Variants in MAML2 observed in about 807,000 individuals in gnomAD.
The protein encoded by MAML2 is mastermind-like protein 2.
Under a neutral mutation model 96.1 loss-of-function variants are expected in MAML2, and 22 were observed. The observed-to-expected ratio is 0.23, with a 90% CI of 0.16 to 0.33. MAML2 has a LOEUF of 0.33. Ranked by LOEUF, MAML2 falls within the 10% of genes least tolerant of loss-of-function variation. The pLI, the probability that MAML2 is intolerant of heterozygous loss-of-function variation, is 1.00. For missense variants in MAML2, 1,367 were observed against 1,392.4 expected, an observed-to-expected ratio of 0.98 and a Z score of 0.29; for synonymous variants, 561 against 521.3, an observed-to-expected ratio of 1.08 and a Z score of -1.04.
intron 1 of MAML2, 145 bp downstream of exon 1, chr11:96,341,238 G>C (rs767296037): frequency 1.1e-5 from 10 of 918,110 alleles, no homozygotes; most frequent in African/African-American, 5.0e-5. Context: ...GAAACCACCC[G>C]AACACACCCA....
intron 1 of MAML2, among the ~76,000 whole-genome samples, chr11:96,247,260 A>G (rs1000413569): frequency 6.6e-5 from 10 of 152,156 alleles, no homozygotes; most frequent in African/African-American, 2.4e-4. Context: ...ACCTCTAAGG[A>G]AAGAGGGCAC....
intron 2 of MAML2, among the ~76,000 whole-genome samples, chr11:96,066,699 G>T (rs952650410): frequency 6.6e-6 from 1 of 152,184 alleles, no homozygotes; most frequent in Non-Finnish European, 1.5e-5. Context: ...CCTTTGAGGT[G>T]CTAGGAATAT....
intron 1 of MAML2, among the ~76,000 whole-genome samples, chr11:96,162,914 T>G (rs929862099): frequency 1.3e-5 from 2 of 152,120 alleles, no homozygotes; most frequent in African/African-American, 2.4e-5. Context: ...ACACTGCTTG[T>G]GTAGCTATGT....
chr11:96,284,320 A>G (rs554281227), intron 1 of MAML2, among the ~76,000 whole-genome samples: 11 of 152,308 alleles, frequency 7.2e-5, no homozygotes, highest in Admixed American at 3.3e-4. Context: ...CAACCACCCA[A>G]TAAACACTTC....
chr11:96,177,027 T>A (rs1290961887), intron 1 of MAML2, among the ~76,000 whole-genome samples: 3 of 152,232 alleles, frequency 2.0e-5, no homozygotes, highest in African/African-American at 4.8e-5. Flanking sequence ...ATACCATTCA[T>A]GGTCCTTTTT....
At chr11:96,027,020 A>C (rs57225082) in intron 2 of MAML2, among the ~76,000 whole-genome samples, 8,582 of 152,220 alleles carry the variant, frequency 0.056, 802 homozygotes, top group African/African-American at 0.19. Flanking sequence ...AATGGACAAC[A>C]TTGTAGGAAG....
chr11:96,186,312 G>A (rs1370161917), intron 1 of MAML2, among the ~76,000 whole-genome samples: 1 of 152,166 alleles, frequency 6.6e-6, no homozygotes, highest in Admixed American at 6.5e-5. Flanking sequence ...GATGAAGGCC[G>A]GGTGCAGTGG....
At chr11:96,115,784 G>T (rs537906041) in intron 1 of MAML2, among the ~76,000 whole-genome samples, 192 of 152,242 alleles carry the variant, frequency 1.3e-3, no homozygotes, top group African/African-American at 4.1e-3. Context: ...GGTGATAGTG[G>T]AGTAGATACC....
intron 2 of MAML2, among the ~76,000 whole-genome samples, chr11:96,046,122 T>A (rs1052157743): frequency 6.6e-6 from 1 of 151,530 alleles, no homozygotes; most frequent in African/African-American, 2.4e-5. Context: ...TGCGTCTGAG[T>A]TGGGGGAGGA....
intron 1 of MAML2, among the ~76,000 whole-genome samples, chr11:96,181,361 A>G (rs1193557725): frequency 6.6e-6 from 1 of 152,180 alleles, no homozygotes; most frequent in East Asian, 1.9e-4. Flanking sequence ...GCAATGCTTC[A>G]TGAGAGGATA....
rs1478789061 is a variant in MAML2, at chr11:95,991,695, G to A, written c.2168C>T (p.Thr723Ile). 1 of 1,613,564 alleles carries A rather than the reference G, an allele frequency of 6.2e-7. No homozygotes were observed. The highest frequency in any genetic ancestry group is 1.3e-5 in the African/African-American group (1 of 74,872). Residue 723 changes from threonine to isoleucine, a missense_variant, in exon 3 of 5, where the codon ACA (threonine) becomes ATA (isoleucine). Thr to Ile is a moderately conservative substitution (Grantham distance 89). Transcript: ENST00000524717. Reference sequence around the variant, plus strand: ...GGGGTTAGGACTTGGACTGGGGCCTGTGTTCTGGCCTACCACAGAGTGTTG... The same window carrying A: ...GGGGTTAGGACTTGGACTGGGGCCTATGTTCTGGCCTACCACAGAGTGTTG... ...QDQHSVVGQN[T>I]GPSPSPNPCS...
chr11:96,339,383 C>T (rs1863960288), intron 1 of MAML2, among the ~76,000 whole-genome samples: 1 of 152,192 alleles, frequency 6.6e-6, no homozygotes, highest in Non-Finnish European at 1.5e-5. Flanking sequence ...CATTTCCCAT[C>T]ATGAAACACC....
rs189530327 is a variant in MAML2, at chr11:96,092,331, G to A, written c.1700C>T (p.Ala567Val). The stretch of plus-strand genomic sequence containing the variant: ...CAAAACAGAAGGCATCTGCTGGTTC[G>A]CTTGATCTGAGTTAAAATGAAACAA... ...KPLFHFNSDQ[A>V]NQQMPSVLPS... Residue 567 changes from alanine (A) to valine (V), a missense_variant, in exon 2 of 5, where the codon GCG (alanine) becomes GTG (valine). By Grantham distance (64) the Ala-to-Val change is moderately conservative. Coordinates refer to ENST00000524717, the MANE Select transcript of MAML2 (RefSeq NM_032427.4). This position sits in a 1 kb window ranked among gnomAD's most constrained non-coding sequence, Gnocchi z 4.1. 1.1e-3 allele frequency: 1,726 copies of A among 1,605,494 alleles called. 1 individual carries two copies. The highest frequency in any genetic ancestry group is 1.4e-3 in the Non-Finnish European group (1,658 of 1,175,858).
intron 1 of MAML2, among the ~76,000 whole-genome samples, chr11:96,268,370 C>T (rs1441399286): frequency 6.6e-6 from 1 of 152,078 alleles, no homozygotes; most frequent in Admixed American, 6.5e-5. Context: ...TCCTGTAGTC[C>T]TAGCTACTCC....
In MAML2 at chr11:95,978,922, T is replaced by A; in HGVS notation, c.*26A>T. 6.4e-7 allele frequency: 1 copy of A among 1,573,332 alleles called. No homozygotes were observed. On this transcript the variant is annotated 3_prime_UTR_variant, in exon 5 of 5. Transcript: ENST00000524717. ...ATATACTGCCTTTTAGTGCTTGGAG[T>A]TTGTAAATTGTCTTCCCTTTCTTCT... is the stretch of plus-strand genomic sequence containing the variant.
chr11:96,123,963 G>C (rs150400078), intron 1 of MAML2, among the ~76,000 whole-genome samples: 12 of 152,050 alleles, frequency 7.9e-5, no homozygotes, highest in African/African-American at 2.9e-4. Context: ...CTAGCTACTC[G>C]GGAGGCTGTA....
intron 3 of MAML2, among the ~76,000 whole-genome samples, chr11:95,989,028 G>A (rs528832910): frequency 1.3e-5 from 2 of 152,158 alleles, no homozygotes; most frequent in Non-Finnish European, 2.9e-5. Flanking sequence ...AATCCAGCTT[G>A]GTGCCTGGCA....
chr11:96,273,352 TA>T (rs1416846804), intron 1 of MAML2, among the ~76,000 whole-genome samples: 1 of 152,192 alleles, frequency 6.6e-6, no homozygotes, highest in Non-Finnish European at 1.5e-5. Flanking sequence ...CAAATTAGAT[TA>T]AAAGGAACAC....
At chr11:96,281,028 G>A (rs1234335535) in intron 1 of MAML2, among the ~76,000 whole-genome samples, 1 of 152,114 alleles carries the variant, frequency 6.6e-6, no homozygotes, top group Non-Finnish European at 1.5e-5. Flanking sequence ...AATGTAGTGA[G>A]TACATTAAGC....
Sources: gnomAD v4.1 joint callset for allele counts (sites outside exome capture counted in the v4.1 genomes callset) on GRCh38, gnomAD v4.1.1 for gene constraint, Gnocchi (gnomAD v3.1) non-coding constraint, MANE v1.5 for transcripts, NCBI Gene and HGNC (gene_info 2026-07-23, HGNC 2026-07-21) for gene names.